KLHL12: variants seen among roughly 807,000 people sequenced by gnomAD.
KLHL12 encodes the protein kelch-like protein 12.
In KLHL12, 17 loss-of-function variants were observed where a neutral mutation model predicts 60.8. That is an observed-to-expected ratio of 0.28 (90% CI 0.19 to 0.42). The LOEUF (loss-of-function observed/expected upper bound fraction) is 0.42, where lower values mean the gene tolerates loss of function less well. Among genes scored for constraint, KLHL12 ranks in the 10% least tolerant of loss-of-function variants. The pLI, the probability that KLHL12 is intolerant of heterozygous loss-of-function variation, is 1.00. For missense variants in KLHL12, 468 were observed against 722.3 expected (o/e 0.65, Z 4.04); for synonymous variants, 220 against 250.9 (o/e 0.88, Z 1.16).
At chr1:202,917,017 T>C (rs1466345704) in intron 4 of KLHL12, among the ~76,000 whole-genome samples, 2 of 151,250 alleles carry the variant, frequency 1.3e-5, no homozygotes, top group Non-Finnish European at 2.9e-5. Context: ...TGGAGATCAA[T>C]ACTATGGGCT....
At chr1:202,901,125 TAGAAA>T (rs1169033437) in intron 6 of KLHL12, among the ~76,000 whole-genome samples, 5 of 152,150 alleles carry the variant, frequency 3.3e-5, no homozygotes, top group Non-Finnish European at 5.9e-5. Context: ...AGAAAAGAAG[TAGAAA>T]GGAAATAGAT....
At chr1:202,912,244 A>G in intron 4 of KLHL12, 1 of 1,110,006 alleles carries the variant, frequency 9.0e-7, no homozygotes, top group Non-Finnish European at 1.4e-6. Flanking sequence ...GGCAGTGGCA[A>G]GAAAAGGGGC....
intron 9 of KLHL12, 73 bp from the exon 10 acceptor site, chr1:202,894,355 G>T: frequency 9.8e-7 from 1 of 1,017,200 alleles, no homozygotes; most frequent in Non-Finnish European, 1.5e-6. Flanking sequence ...TTTTCTGAGT[G>T]CTTCAACTAA....
chr1:202,895,536 G>A lies in KLHL12; in HGVS notation c.1121C>T (p.Ala374Val). The stretch of plus-strand genomic sequence containing the variant: ...ATCCAGCCTACCTCCCAGGGTGGTG[G>A]CTCCAGCAAGACCTCGTCGGACATT... ...PMNVRRGLAGATTLGDMIYVS... is the reference protein window; with the variant it reads ...PMNVRRGLAGVTTLGDMIYVS... Residue 374 changes from alanine (A) to valine (V), a missense_variant, in exon 8 of 12, where the codon GCC becomes GTC. Around this residue, in one of 4 missense-constraint regions of KLHL12, gnomAD observed 339 missense variants for 525.0 expected, o/e 0.65. Coordinates refer to ENST00000367261, the MANE Select transcript of KLHL12 (RefSeq NM_021633.4). This position sits in a 1 kb window ranked among gnomAD's most constrained non-coding sequence, Gnocchi z 4.2. 6.2e-7 allele frequency: 1 copy of A among 1,613,478 alleles called. No individual in the cohort carries two copies. The highest frequency in any genetic ancestry group is 8.5e-7 in the Non-Finnish European group (1 of 1,179,684).
At chr1:202,894,828 G>A (rs1457137554) in intron 8 of KLHL12, 79 bp from the exon 9 acceptor site, 2 of 1,267,144 alleles carry the variant, frequency 1.6e-6, no homozygotes, top group Non-Finnish European at 2.3e-6. Flanking sequence ...ATTTTCCAAG[G>A]GTCCTTTAAA....
chr1:202,915,059 A>G (rs1053306755), intron 4 of KLHL12: 3 of 152,178 alleles, frequency 2.0e-5, no homozygotes, highest in African/African-American at 7.2e-5. Context: ...AAAAACCCAA[A>G]CATTAATGCC....
At chr1:202,925,341 T>C (rs1221817305) in intron 1 of KLHL12, 134 bp from the exon 2 acceptor site, 3 of 998,144 alleles carry the variant, frequency 3.0e-6, no homozygotes, top group Non-Finnish European at 4.3e-6. Context: ...GGCACTCCTA[T>C]GCCTGGCATC....
chr1:202,895,455 G>T lies in KLHL12; in HGVS notation c.1135+67C>A. ...TATTTCATGCTCCTGCCAGACAACA[G>T]GAGAGGTTAAAAACCCTGGTCCAGC... On this transcript the variant is annotated intron_variant, in intron 8 of 11. Transcript: ENST00000367261. This position sits in a 1 kb window ranked among gnomAD's most constrained non-coding sequence, Gnocchi z 4.2. 1 of 1,351,914 alleles carries T rather than the reference G, an allele frequency of 7.4e-7. No individual in the cohort carries two copies. Among genetic ancestry groups the T allele is most frequent in the Non-Finnish European group, 1.0e-6 (1 of 970,772 alleles). The allele number at this position is 1,351,914 out of a possible 1,614,324, so 83.7% of individuals were successfully genotyped here.
upstream of KLHL12, chr1:202,928,526 G>A: frequency 4.6e-6 from 6 of 1,304,400 alleles, no homozygotes; most frequent in Non-Finnish European, 6.1e-6. Context: ...AACCCACAGA[G>A]GCCTCAAATT....
intron 2 of KLHL12, 44 bp from the exon 3 acceptor site, chr1:202,919,952 C>A (rs779928725): frequency 1.1e-5 from 17 of 1,501,640 alleles, no homozygotes; most frequent in Non-Finnish European, 1.6e-5. Flanking sequence ...TATAATTCCA[C>A]AAGATAAAGG....
At chr1:202,921,278 G>A (rs1558000456) in intron 2 of KLHL12, among the ~76,000 whole-genome samples, 2 of 151,994 alleles carry the variant, frequency 1.3e-5, no homozygotes, top group South Asian at 2.1e-4. Context: ...AGGTTCAAGC[G>A]ATTCTCCTGC....
chr1:202,903,443 T>C (rs1320008822), intron 6 of KLHL12, among the ~76,000 whole-genome samples: 5 of 116,824 alleles, frequency 4.3e-5, no homozygotes, highest in Non-Finnish European at 9.0e-5. Context: ...TCTTTATTGT[T>C]TCTCTCATGC....
chr1:202,904,946 G>T (rs781308655), intron 6 of KLHL12, among the ~76,000 whole-genome samples: 8 of 152,144 alleles, frequency 5.3e-5, no homozygotes, highest in Non-Finnish European at 8.8e-5. Context: ...TTTTAACTTG[G>T]CTGTCAATTT....
intron 4 of KLHL12, chr1:202,912,033 T>G: frequency 2.5e-6 from 2 of 786,834 alleles, no homozygotes; most frequent in Non-Finnish European, 4.5e-6. Flanking sequence ...CAGCCATGAA[T>G]GCAAGGCCAC....
In KLHL12 at chr1:202,902,642, G is replaced by A. The variant is rs117253520; in HGVS notation, c.833-5682C>T. On this transcript the variant is annotated intron_variant, in intron 6 of 11. Transcript: ENST00000367261. ...ATATCCTGAATATGAAACTTTTCCTGGTTGTTTTCTTAAAGAAATGGGAAG... is the reference window on the plus strand; with the variant it reads ...ATATCCTGAATATGAAACTTTTCCTAGTTGTTTTCTTAAAGAAATGGGAAG... Among the ~76,000 whole-genome samples the A allele has an allele frequency of 2.6e-3, 389 of 152,114 alleles. 2 individuals carry two copies. The East Asian group carries it at 0.039, about 15-fold the overall frequency.
intron 4 of KLHL12, chr1:202,912,212 G>A (rs2102437839): frequency 9.3e-7 from 1 of 1,079,358 alleles, no homozygotes; most frequent in East Asian, 2.3e-5. Flanking sequence ...AAACGGAAGT[G>A]ATTGAAATCA....
rs1403482813 is a variant in KLHL12, at chr1:202,910,833, T to C, written c.717+221A>G. Among the ~76,000 whole-genome samples the C allele has an allele frequency of 3.9e-5, 6 of 152,232 alleles. No homozygotes were observed. In the South Asian group the frequency reaches 6.2e-4, roughly 16 times the overall value. ...GTAAAACAGACAGCAAAACACAAAA[T>C]TGAACCACAGATTTTCATTTGTGTC... On this transcript the variant is annotated intron_variant, in intron 5 of 11. Transcript: ENST00000367261.
chr1:202,927,323 G>T (rs965496872), upstream of KLHL12: 329 of 947,294 alleles, frequency 3.5e-4, no homozygotes, highest in Non-Finnish European at 4.1e-4. Flanking sequence ...TGAGGAGGTG[G>T]TGTCACGTGA....
upstream of KLHL12, among the ~76,000 whole-genome samples, chr1:202,927,674 T>TA (rs748842460): frequency 0.46 from 34,866 of 75,300 alleles, 8,661 homozygotes; most frequent in Non-Finnish European, 0.54. Flanking sequence ...TGAGACCCTG[T>TA]AAAAAAAAAA....
Sources: allele counts gnomAD v4.1 joint callset (sites outside exome capture counted in the v4.1 genomes callset), GRCh38; gene constraint gnomAD v4.1.1; regional missense constraint gnomAD v4.1.1; non-coding constraint Gnocchi (gnomAD v3.1); transcripts MANE v1.5; gene names NCBI Gene and HGNC (gene_info 2026-07-23, HGNC 2026-07-21).